The following PARD3B variants were observed in gnomAD, a reference collection of about 807,000 sequenced individuals.
The protein encoded by PARD3B is partitioning defective 3 homolog B.
PARD3B carries 103 observed loss-of-function variants against 130.2 expected under a neutral mutation model. The observed-to-expected ratio is 0.79, with a 90% CI of 0.67 to 0.93. The LOEUF is 0.93. PARD3B is among the 40% of genes least tolerant of loss of function. The pLI is 0.00. For synonymous variants in PARD3B, 583 were observed against 553.2 expected (o/e 1.05, Z -0.76); for missense variants, 1,609 against 1,499.2 (o/e 1.07, Z -1.21).
Position 204,673,931 on chromosome 2 carries a change from C to T in PARD3B, c.121-12250C>T, listed in dbSNP as rs2036419899. Among the ~76,000 whole-genome samples, 1 of 152,282 alleles carries T rather than the reference C, an allele frequency of 6.6e-6. No homozygotes were observed. Among genetic ancestry groups the T allele is most frequent in the East Asian group, 1.9e-4 (1 of 5,170 alleles). On this transcript the variant is annotated intron_variant, in intron 1 of 22. Transcript: ENST00000406610. This position sits in a 1 kb window ranked among gnomAD's most constrained non-coding sequence, Gnocchi z 4.7. ...GCAGTCTACAGTGTTTCTGCTTCTCCCATGCTGCCCTTGTCTATATCAAAA... is the reference window on the plus strand; with the variant it reads ...GCAGTCTACAGTGTTTCTGCTTCTCTCATGCTGCCCTTGTCTATATCAAAA...
At chr2:204,854,046 G>T (rs1277201929) in intron 2 of PARD3B, among the ~76,000 whole-genome samples, 1 of 152,110 alleles carries the variant, frequency 6.6e-6, no homozygotes, top group African/African-American at 2.4e-5. Context: ...TTGGTAGAGA[G>T]AGGAGCATTT....
rs142147673 is a variant in PARD3B at position 205,183,885 on chromosome 2, T to C, written c.1925-1879T>C. ...TTGCAGAAGAGTTGATGGTGCAGAT[T>C]GAGTCTGAAGGCCGGAGAACCAGAA... On this transcript the variant is annotated intron_variant, in intron 13 of 22. Coordinates refer to ENST00000406610, the MANE Select transcript of PARD3B (RefSeq NM_001302769.2). This position sits in a 1 kb window ranked among gnomAD's most constrained non-coding sequence, Gnocchi z 5.2. Among the ~76,000 whole-genome samples the C allele has an allele frequency of 6.6e-6, 1 of 152,148 alleles. No individual in the cohort carries two copies. The highest frequency in any genetic ancestry group is 2.4e-5 in the African/African-American group (1 of 41,506).
intron 18 of PARD3B, among the ~76,000 whole-genome samples, chr2:205,340,981 A>G (rs1427208336): frequency 6.6e-6 from 1 of 152,154 alleles, no homozygotes; most frequent in African/African-American, 2.4e-5. Context: ...ATGGCCAACA[A>G]TTACATTAAA....
At chr2:205,170,667 C>T (rs1031979955) in intron 11 of PARD3B, among the ~76,000 whole-genome samples, 7 of 152,170 alleles carry the variant, frequency 4.6e-5, no homozygotes, top group African/African-American at 1.4e-4. Context: ...GGGACTTCCT[C>T]GGGCCATCTG....
intron 3 of PARD3B, 41 bp downstream of exon 3, chr2:204,965,364 G>A (rs550223676): frequency 6.4e-7 from 1 of 1,571,848 alleles, no homozygotes; most frequent in Non-Finnish European, 8.7e-7. Context: ...CCTGACTGAA[G>A]ATCCGTCATC....
chr2:205,615,565 G>A lies in PARD3B; in HGVS notation c.3370G>A (p.Gly1124Arg). The A allele has an allele frequency of 6.2e-7, 1 of 1,614,102 alleles. No homozygotes were observed. Among genetic ancestry groups the A allele is most frequent in the Non-Finnish European group, 8.5e-7 (1 of 1,179,986 alleles). Residue 1124 changes from glycine (G) to arginine (R), a missense_variant, in exon 23 of 23, where the codon GGG becomes AGG. Gly to Arg is a moderately radical substitution (Grantham distance 125). Coordinates refer to ENST00000406610, the MANE Select transcript of PARD3B (RefSeq NM_001302769.2). Reference sequence around the variant, plus strand: ...GGCTCATCCTATGCACCCTCCCAAAGGGAGCTATCCCCGCCCCACAGAGCT... The same window carrying A: ...GGCTCATCCTATGCACCCTCCCAAAAGGAGCTATCCCCGCCCCACAGAGCT... ...PGAHPMHPPK[G>R]SYPRPTELRV...
intron 1 of PARD3B, among the ~76,000 whole-genome samples, chr2:204,574,668 C>T (rs995649840): frequency 2.0e-5 from 3 of 152,166 alleles, no homozygotes; most frequent in Non-Finnish European, 2.9e-5. Flanking sequence ...TGTAAGATGG[C>T]GTTGCAGGGT....
At chr2:205,396,627 A>G (rs1317617992) in intron 18 of PARD3B, among the ~76,000 whole-genome samples, 1 of 152,230 alleles carries the variant, frequency 6.6e-6, no homozygotes, top group East Asian at 1.9e-4. Flanking sequence ...TCCCAGGTAC[A>G]TGTAAAAAAA....
rs115825948 is a variant in PARD3B, at chr2:205,195,194, C to T, written c.2140+1874C>T. 2.7e-3 allele frequency among the ~76,000 whole-genome samples: 412 copies of T among 152,186 alleles called. 2 individuals carry two copies. Among genetic ancestry groups the T allele is most frequent in the African/African-American group, 9.4e-3 (391 of 41,524 alleles). On this transcript the variant is annotated intron_variant, in intron 15 of 22. Transcript: ENST00000406610. ...AAAATATATGTAGTTAGCCGTCATT[C>T]TTTGCATTTTTTTATACATATGCCA...
At chr2:204,614,247 T>C (rs2034029340) in intron 1 of PARD3B, among the ~76,000 whole-genome samples, 3 of 152,222 alleles carry the variant, frequency 2.0e-5, no homozygotes, top group Non-Finnish European at 4.4e-5. Context: ...AACGTAAAGC[T>C]GATATTTCCC....
intron 10 of PARD3B, among the ~76,000 whole-genome samples, chr2:205,127,066 G>A (rs2031511768): frequency 6.6e-6 from 1 of 151,834 alleles, no homozygotes; most frequent in Non-Finnish European, 1.5e-5. Context: ...TTGGGAGGCC[G>A]AGGCAGGTGG....
intron 3 of PARD3B, among the ~76,000 whole-genome samples, chr2:205,037,135 C>T (rs1450326053): frequency 2.1e-5 from 3 of 141,850 alleles, no homozygotes; most frequent in Admixed American, 7.1e-5. Context: ...ACATATATAG[C>T]GGACTGTATA....
At chr2:205,393,099 G>A (rs2045913603) in intron 18 of PARD3B, among the ~76,000 whole-genome samples, 1 of 152,026 alleles carries the variant, frequency 6.6e-6, no homozygotes, top group African/African-American at 2.4e-5. Flanking sequence ...CAAAAGCTGC[G>A]GTTCACAAAA....
At chr2:204,884,771 C>T (rs936059644) in intron 2 of PARD3B, among the ~76,000 whole-genome samples, 28 of 152,254 alleles carry the variant, frequency 1.8e-4, no homozygotes, top group Admixed American at 8.5e-4. Context: ...CTGAGGATAA[C>T]GGCTTGTGGT....
chr2:205,503,026 CCTCT>C (rs1491240588), intron 21 of PARD3B, among the ~76,000 whole-genome samples: 1 of 150,426 alleles, frequency 6.6e-6, no homozygotes, highest in African/African-American at 2.4e-5. Context: ...TCCCCTCTCC[CCTCT>C]CTCTTCTCTC....
At chr2:205,223,984 A>C (rs1190300237) in intron 15 of PARD3B, among the ~76,000 whole-genome samples, 1 of 151,704 alleles carries the variant, frequency 6.6e-6, no homozygotes, top group Non-Finnish European at 1.5e-5. Flanking sequence ...AAATGGCATG[A>C]ACCCAGGAGG....
At chr2:204,915,203 C>T (rs1179984411) in intron 2 of PARD3B, among the ~76,000 whole-genome samples, 1 of 151,996 alleles carries the variant, frequency 6.6e-6, no homozygotes, top group East Asian at 1.9e-4. Context: ...AGCTTTTTAC[C>T]TCCCTTCTCT....
rs543158569 is a variant in PARD3B at position 204,878,307 on chromosome 2, C to T, written c.223-86845C>T. Among the ~76,000 whole-genome samples the T allele has an allele frequency of 4.4e-4, 67 of 152,060 alleles. 1 individual carries two copies. Among genetic ancestry groups the T allele is most frequent in the Middle Eastern group, 3.4e-3 (1 of 294 alleles). Reference sequence around the variant, plus strand: ...ATGATCTTAAGCAAAGCAGTAAAACCGGGTGTATAATTATATAAATTCTTT... The same window carrying T: ...ATGATCTTAAGCAAAGCAGTAAAACTGGGTGTATAATTATATAAATTCTTT... On this transcript the variant is annotated intron_variant, in intron 2 of 22. Coordinates refer to ENST00000406610, the MANE Select transcript of PARD3B (RefSeq NM_001302769.2).
chr2:204,866,689 G>GTGTATATATACATATATATGTT (rs2045431168), intron 2 of PARD3B, among the ~76,000 whole-genome samples: 1 of 151,588 alleles, frequency 6.6e-6, no homozygotes, highest in African/African-American at 2.4e-5. Context: ...ATATATATGT[G>GTGTATATATACATATATATGTT]TATATATATG....
Sources: gnomAD v4.1 joint callset for allele counts (sites outside exome capture counted in the v4.1 genomes callset) on GRCh38, gnomAD v4.1.1 for gene constraint, Gnocchi (gnomAD v3.1) non-coding constraint, MANE v1.5 for transcripts, NCBI Gene and HGNC (gene_info 2026-07-23, HGNC 2026-07-21) for gene names.